AFG1L: variants seen among roughly 807,000 people sequenced by gnomAD.
The protein encoded by AFG1L is AFG1 like ATPase.
AFG1L carries 53 observed loss-of-function variants against 62.2 expected under a neutral mutation model. The observed-to-expected ratio is 0.85, with a 90% CI of 0.68 to 1.07. The LOEUF is 1.07. AFG1L is among the 50% of genes least tolerant of loss of function. The probability of loss-of-function intolerance (pLI) is 0.00; values close to 1 mark genes in which losing one functional copy is unlikely to be tolerated. For missense variants in AFG1L, 555 were observed against 590.5 expected, an observed-to-expected ratio of 0.94 and a Z score of 0.62; for synonymous variants, 228 against 210.3, an observed-to-expected ratio of 1.08 and a Z score of -0.73.
intron 1 of AFG1L, 77 bp downstream of exon 1, chr6:108,295,295 G>C: frequency 6.7e-7 from 1 of 1,487,244 alleles, no homozygotes; most frequent in Non-Finnish European, 9.0e-7. Context: ...CTCCCTGTCC[G>C]ATCTACCCCA....
At chr6:108,304,452 C>T (rs1257062638) in intron 1 of AFG1L, among the ~76,000 whole-genome samples, 2 of 152,148 alleles carry the variant, frequency 1.3e-5, no homozygotes, top group Non-Finnish European at 2.9e-5. Flanking sequence ...TCTGTCATTG[C>T]AGGAGAACAT....
intron 1 of AFG1L, among the ~76,000 whole-genome samples, chr6:108,310,629 C>T (rs1777368108): frequency 7.0e-6 from 1 of 143,318 alleles, no homozygotes; most frequent in East Asian, 2.0e-4. Context: ...GGCTGGAGTA[C>T]AGTGGGGTGA....
intron 7 of AFG1L, among the ~76,000 whole-genome samples, chr6:108,436,979 G>T (rs2114726069): frequency 6.6e-6 from 1 of 152,278 alleles, no homozygotes; most frequent in Admixed American, 6.5e-5. Context: ...TTGGTATCGG[G>T]TGAGGGCTCC....
chr6:108,371,324 C>T (rs1779993630), intron 6 of AFG1L, among the ~76,000 whole-genome samples: 1 of 152,080 alleles, frequency 6.6e-6, no homozygotes, highest in Admixed American at 6.5e-5. Context: ...TGCTTACAAT[C>T]CCAGCTTTTT....
chr6:108,445,330 A>G (rs1181793898), intron 7 of AFG1L, among the ~76,000 whole-genome samples: 3 of 152,316 alleles, frequency 2.0e-5, no homozygotes, highest in East Asian at 1.9e-4. Context: ...CTCCATATCA[A>G]TAATAAGGCT....
intron 6 of AFG1L, among the ~76,000 whole-genome samples, chr6:108,395,388 TTTTTC>T (rs1256344583): frequency 4.1e-5 from 6 of 147,568 alleles, no homozygotes; most frequent in Admixed American, 6.9e-5. Context: ...TACTATTCCT[TTTTTC>T]TTTTCTTTTC....
intron 1 of AFG1L, among the ~76,000 whole-genome samples, chr6:108,306,403 C>T (rs1260580367): frequency 6.6e-6 from 1 of 152,188 alleles, no homozygotes; most frequent in African/African-American, 2.4e-5. Context: ...TCTCCCCATT[C>T]ATCTTGAATC....
intron 10 of AFG1L, among the ~76,000 whole-genome samples, chr6:108,504,384 G>T (rs145862300): frequency 0.028 from 4,289 of 152,262 alleles, 95 homozygotes; most frequent in Middle Eastern, 0.088. Context: ...GAATAGGGAG[G>T]CCTGAAGAGA....
chr6:108,471,468 C>CTTTTTTTTTTTTT (rs56375345), intron 8 of AFG1L, among the ~76,000 whole-genome samples: 1 of 100,352 alleles, frequency 1.0e-5, no homozygotes, highest in Non-Finnish European at 2.0e-5. Context: ...TGTTCTTCTT[C>CTTTTTTTTTTTTT]TTTTTTTTTT....
At chr6:108,338,256 T>C (rs957628486) in intron 2 of AFG1L, among the ~76,000 whole-genome samples, 3 of 152,228 alleles carry the variant, frequency 2.0e-5, no homozygotes, top group South Asian at 4.1e-4. Context: ...GCTCTGACAC[T>C]ATCTTCATCT....
At chr6:108,415,052 T>C (rs1334490023) in intron 7 of AFG1L, among the ~76,000 whole-genome samples, 3 of 152,210 alleles carry the variant, frequency 2.0e-5, no homozygotes, top group Admixed American at 6.5e-5. Context: ...CTCCTTAAGC[T>C]GATAAGCAAC....
chr6:108,461,796 G>GA (rs144443097), intron 8 of AFG1L, among the ~76,000 whole-genome samples: 7,152 of 152,154 alleles, frequency 0.047, 251 homozygotes, highest in South Asian at 0.17. Flanking sequence ...TATGTCTATT[G>GA]AAAATCACAA....
At chr6:108,402,958 A>G (rs1196552743) in intron 7 of AFG1L, among the ~76,000 whole-genome samples, 1 of 152,116 alleles carries the variant, frequency 6.6e-6, no homozygotes, top group Non-Finnish European at 1.5e-5. Flanking sequence ...TCTTCATTAC[A>G]ATATGATTAA....
intron 7 of AFG1L, among the ~76,000 whole-genome samples, chr6:108,435,656 AG>A (rs1771276128): frequency 6.6e-6 from 1 of 152,164 alleles, no homozygotes; most frequent in Non-Finnish European, 1.5e-5. Context: ...TGTGGCACTC[AG>A]GGTGTGGGTA....
intron 6 of AFG1L, among the ~76,000 whole-genome samples, chr6:108,390,354 T>C (rs1780995623): frequency 6.6e-6 from 1 of 152,224 alleles, no homozygotes; most frequent in South Asian, 2.1e-4. Context: ...GTCTGAATCC[T>C]TCTTCTCTCA....
At chr6:108,410,512 G>T (rs1164655673) in intron 7 of AFG1L, among the ~76,000 whole-genome samples, 1 of 151,998 alleles carries the variant, frequency 6.6e-6, no homozygotes, top group Non-Finnish European at 1.5e-5. Context: ...CATCTGGTCA[G>T]CTAGGCTGTC....
chr6:108,383,951 C>T (rs541510156), intron 6 of AFG1L, among the ~76,000 whole-genome samples: 39 of 150,934 alleles, frequency 2.6e-4, no homozygotes, highest in Middle Eastern at 6.9e-3. Context: ...CTATTAAAAA[C>T]GAAAACCTCT....
At chr6:108,389,647 G>T (rs902492219) in intron 6 of AFG1L, among the ~76,000 whole-genome samples, 3 of 152,110 alleles carry the variant, frequency 2.0e-5, no homozygotes, top group Non-Finnish European at 2.9e-5. Flanking sequence ...AGCTTAGTTT[G>T]GCTGGATATG....
chr6:108,327,024 A>C (rs1778072549), intron 2 of AFG1L, among the ~76,000 whole-genome samples: 1 of 152,164 alleles, frequency 6.6e-6, no homozygotes, highest in Non-Finnish European at 1.5e-5. Flanking sequence ...GGGTGGAAGG[A>C]TAGCTTGAAG....
Sources: gnomAD v4.1 joint callset for allele counts (sites outside exome capture counted in the v4.1 genomes callset) on GRCh38, gnomAD v4.1.1 for gene constraint, MANE v1.5 for transcripts, NCBI Gene and HGNC (gene_info 2026-07-23, HGNC 2026-07-21) for gene names.